Variants in CNTNAP5 observed in about 807,000 individuals in gnomAD.
The protein encoded by CNTNAP5 is contactin-associated protein-like 5.
CNTNAP5 carries 72 observed loss-of-function variants against 150.2 expected under a neutral mutation model. The observed-to-expected ratio is 0.48, with a 90% confidence interval of 0.40 to 0.58. The LOEUF (loss-of-function observed/expected upper bound fraction) is 0.58, where lower values mean the gene tolerates loss of function less well. Among genes scored for constraint, CNTNAP5 ranks in the 20% least tolerant of loss-of-function variants. CNTNAP5 has a pLI of 0.00. For synonymous variants in CNTNAP5, 672 were observed against 619.8 expected, an observed-to-expected ratio of 1.08 and a Z score of -1.25; for missense variants, 1,636 against 1,626.2, an observed-to-expected ratio of 1.01 and a Z score of -0.10.
chr2:124,521,357 C>A (rs966579883), intron 8 of CNTNAP5, among the ~76,000 whole-genome samples: 12 of 151,934 alleles, frequency 7.9e-5, no homozygotes, highest in Admixed American at 5.9e-4. Context: ...AGGAAAAGAC[C>A]AAATTAAAGA....
At chr2:124,429,644 G>T (rs888858943) in intron 4 of CNTNAP5, among the ~76,000 whole-genome samples, 1 of 152,188 alleles carries the variant, frequency 6.6e-6, no homozygotes, top group Non-Finnish European at 1.5e-5. Flanking sequence ...TCAGGTACTG[G>T]TGGTGGTCGG....
At chr2:124,322,922 T>C (rs1431566716) in intron 3 of CNTNAP5, among the ~76,000 whole-genome samples, 1 of 152,206 alleles carries the variant, frequency 6.6e-6, no homozygotes, top group Non-Finnish European at 1.5e-5. Context: ...TAACTAGCAA[T>C]GTGCTCTGTT....
At chr2:124,467,986 T>C (rs1693417863) in intron 6 of CNTNAP5, among the ~76,000 whole-genome samples, 1 of 152,160 alleles carries the variant, frequency 6.6e-6, no homozygotes, top group Admixed American at 6.6e-5. Context: ...ACTTTTTTCC[T>C]CTTCCCTTGG....
intron 6 of CNTNAP5, among the ~76,000 whole-genome samples, chr2:124,458,610 C>G (rs1451278252): frequency 6.6e-6 from 1 of 151,948 alleles, no homozygotes; most frequent in Non-Finnish European, 1.5e-5. Context: ...TCTCACAAAT[C>G]ACCACCAAAG....
intron 11 of CNTNAP5, among the ~76,000 whole-genome samples, chr2:124,593,151 A>G (rs1451573238): frequency 1.3e-5 from 2 of 148,392 alleles, no homozygotes; most frequent in Non-Finnish European, 3.0e-5. Context: ...TTTTTTAATT[A>G]TACTTTAAGT....
At chr2:124,522,828 A>G (rs1694879534) in intron 8 of CNTNAP5, among the ~76,000 whole-genome samples, 1 of 152,148 alleles carries the variant, frequency 6.6e-6, no homozygotes. Flanking sequence ...TCCAAGAATT[A>G]CAAACTCTTG....
intron 13 of CNTNAP5, among the ~76,000 whole-genome samples, chr2:124,711,023 C>A (rs34095323): frequency 0.2 from 31,047 of 151,932 alleles, 3,261 homozygotes; most frequent in East Asian, 0.24. Context: ...CTGTAATCCC[C>A]GCACTTTGGG....
At chr2:124,430,214 G>A (rs1164031312) in intron 4 of CNTNAP5, among the ~76,000 whole-genome samples, 2 of 152,156 alleles carry the variant, frequency 1.3e-5, no homozygotes, top group Non-Finnish European at 2.9e-5. Context: ...ATGGGAAAGA[G>A]CTCAGTGGAC....
rs191664952 is a variant in CNTNAP5, at chr2:124,612,279, A to G, written c.1876+2359A>G. Among the ~76,000 whole-genome samples, 26 of 152,302 alleles carry G rather than the reference A, an allele frequency of 1.7e-4. No homozygotes were observed. The East Asian group carries it at 2.3e-3, about 14-fold the overall frequency. On this transcript the variant is annotated intron_variant, in intron 12 of 23. Coordinates refer to ENST00000682447, the MANE Select transcript of CNTNAP5 (RefSeq NM_001367498.1). ...ATGAATGTTTATGTGTGTTTTTGCTATGAATGTGTATGTTATATATATACA... is the reference window on the plus strand; with the variant it reads ...ATGAATGTTTATGTGTGTTTTTGCTGTGAATGTGTATGTTATATATATACA...
intron 21 of CNTNAP5, among the ~76,000 whole-genome samples, chr2:124,895,922 G>T (rs1477216517): frequency 2.6e-5 from 4 of 151,520 alleles, no homozygotes; most frequent in Non-Finnish European, 5.9e-5. Flanking sequence ...AATGCTTGGG[G>T]GAAGGCCAAT....
intron 1 of CNTNAP5, among the ~76,000 whole-genome samples, chr2:124,086,127 C>G (rs1310952177): frequency 1.3e-5 from 2 of 149,072 alleles, no homozygotes; most frequent in East Asian, 4.0e-4. Context: ...ATCGATAGAA[C>G]TGTTTTATCA....
intron 5 of CNTNAP5, among the ~76,000 whole-genome samples, chr2:124,442,632 A>G (rs1345538895): frequency 6.6e-6 from 1 of 152,194 alleles, no homozygotes; most frequent in Non-Finnish European, 1.5e-5. Context: ...CTTTTAAACT[A>G]TTATACAAAT....
chr2:124,603,820 C>T (rs1697038011), intron 11 of CNTNAP5, among the ~76,000 whole-genome samples: 2 of 152,128 alleles, frequency 1.3e-5, no homozygotes, highest in African/African-American at 4.8e-5. Context: ...TACATACATA[C>T]ATGCATACAT....
At chr2:124,340,157 G>A (rs1212175080) in intron 3 of CNTNAP5, among the ~76,000 whole-genome samples, 1 of 152,116 alleles carries the variant, frequency 6.6e-6, no homozygotes, top group Non-Finnish European at 1.5e-5. Flanking sequence ...CTGGGGAAGG[G>A]CTATTATCAG....
intron 1 of CNTNAP5, among the ~76,000 whole-genome samples, chr2:124,153,989 C>T (rs1242407645): frequency 6.6e-6 from 1 of 151,856 alleles, no homozygotes; most frequent in African/African-American, 2.4e-5. Flanking sequence ...CTAATCACAT[C>T]CCAAAGGCTT....
intron 1 of CNTNAP5, among the ~76,000 whole-genome samples, chr2:124,065,334 G>A (rs1338347004): frequency 2.0e-5 from 3 of 152,126 alleles, no homozygotes; most frequent in Admixed American, 2.0e-4. Context: ...CATAACACTG[G>A]TATCATACCT....
chr2:124,230,685 C>T (rs1279137316), intron 2 of CNTNAP5, among the ~76,000 whole-genome samples: 1 of 151,940 alleles, frequency 6.6e-6, no homozygotes, highest in Non-Finnish European at 1.5e-5. Flanking sequence ...GTGCATGCCA[C>T]TGTGCCCAGC....
intron 1 of CNTNAP5, among the ~76,000 whole-genome samples, chr2:124,100,274 A>G (rs1683034238): frequency 6.6e-6 from 1 of 152,152 alleles, no homozygotes; most frequent in Non-Finnish European, 1.5e-5. Context: ...TAAACTGCTC[A>G]TGAGAGTTCA....
chr2:124,528,700 C>T (rs1470763532), intron 10 of CNTNAP5, among the ~76,000 whole-genome samples: 1 of 152,070 alleles, frequency 6.6e-6, no homozygotes, highest in East Asian at 1.9e-4. Flanking sequence ...GGGGCAGGAC[C>T]AGTCATGAAG....
Sources: allele counts gnomAD v4.1 joint callset (sites outside exome capture counted in the v4.1 genomes callset), GRCh38; gene constraint gnomAD v4.1.1; transcripts MANE v1.5; gene names NCBI Gene and HGNC (gene_info 2026-07-23, HGNC 2026-07-21).